Variants in RAD54L2 observed in about 807,000 individuals in gnomAD.
The protein encoded by RAD54L2 is RAD54 like 2.
In RAD54L2, 27 loss-of-function variants were observed where a neutral mutation model predicts 138.4. The observed-to-expected ratio is 0.20, with a 90% confidence interval of 0.14 to 0.27. RAD54L2 has a LOEUF of 0.27. Ranked by LOEUF, RAD54L2 falls within the 10% of genes least tolerant of loss-of-function variation. The pLI is 1.00. For missense variants in RAD54L2, 1,396 were observed against 1,890.2 expected (o/e 0.74, Z 4.85); for synonymous variants, 644 against 723.2 (o/e 0.89, Z 1.76).
chr3:51,598,149 ATGTG>A (rs778223606), intron 3 of RAD54L2, among the ~76,000 whole-genome samples: 214 of 128,412 alleles, frequency 1.7e-3, no homozygotes, highest in African/African-American at 3.8e-3. Context: ...GTATATATAT[ATGTG>A]TGTGTGTGTG....
chr3:51,550,200 C>T (rs1698802797), intron 2 of RAD54L2, among the ~76,000 whole-genome samples: 1 of 152,110 alleles, frequency 6.6e-6, no homozygotes, highest in South Asian at 2.1e-4. Context: ...CCTAAGGGTC[C>T]CATTTCCTAT....
At chr3:51,643,426 T>G (rs1701193241) in intron 15 of RAD54L2, among the ~76,000 whole-genome samples, 2 of 152,218 alleles carry the variant, frequency 1.3e-5, no homozygotes. Flanking sequence ...TATGTCTCTT[T>G]ACAGCAAGTT....
At position 51,662,470 on chromosome 3, in the gene RAD54L2, A is replaced by G; in HGVS notation, c.3454A>G (p.Ser1152Gly). 3 of 1,576,192 alleles carry G rather than the reference A, an allele frequency of 1.9e-6. No homozygotes were observed. The change falls in exon 23 of 23, where the codon AGT (serine) becomes GGT (glycine). Residue 1152 changes from serine to glycine, a missense_variant. Physicochemically the swap from Ser to Gly is moderately conservative, Grantham distance 56. This residue lies in a region of RAD54L2 where 634 missense variants were observed against 711.2 expected (regional missense o/e 0.89). Transcript: ENST00000684192. This position sits in a 1 kb window ranked among gnomAD's most constrained non-coding sequence, Gnocchi z 4.6. ...CGAGTCCACAAGCAACGGCAGACAC[A>G]GTGCCTCATCACCCAAAGCCCCCGA... Reference protein sequence around the residue: ...SCESTSNGRHSASSPKAPDPE... With the variant: ...SCESTSNGRHGASSPKAPDPE...
chr3:51,621,746 G>A (rs759821285), intron 3 of RAD54L2, among the ~76,000 whole-genome samples: 31 of 152,270 alleles, frequency 2.0e-4, no homozygotes, highest in Middle Eastern at 3.4e-3. Context: ...AAACAAAAAA[G>A]ACCAGGAGAG....
At chr3:51,623,179 TGTA>T (rs1700603985) in intron 3 of RAD54L2, among the ~76,000 whole-genome samples, 2 of 152,226 alleles carry the variant, frequency 1.3e-5, no homozygotes, top group African/African-American at 4.8e-5. Flanking sequence ...AACATGAAAG[TGTA>T]GTCTACAATT....
At chr3:51,639,834 G>T in intron 13 of RAD54L2, 47 bp from the exon 14 acceptor site, 1 of 1,500,592 alleles carries the variant, frequency 6.7e-7, no homozygotes. Context: ...TATTTCTAGT[G>T]ATCTGGCCTT....
At chr3:51,605,643 G>T (rs981184795) in intron 3 of RAD54L2, among the ~76,000 whole-genome samples, 2 of 151,678 alleles carry the variant, frequency 1.3e-5, no homozygotes, top group Admixed American at 6.6e-5. Flanking sequence ...GTAGAGACAG[G>T]GTTTCACCAT....
intron 3 of RAD54L2, among the ~76,000 whole-genome samples, chr3:51,626,762 G>A (rs1700701392): frequency 6.6e-6 from 1 of 151,742 alleles, no homozygotes; most frequent in Non-Finnish European, 1.5e-5. Context: ...ATCTTTTAAG[G>A]CATTACCTTT....
intron 10 of RAD54L2, 27 bp downstream of exon 10, chr3:51,635,816 T>C: frequency 6.4e-7 from 1 of 1,563,922 alleles, no homozygotes; most frequent in Non-Finnish European, 8.7e-7. Context: ...AGGAATACTC[T>C]TGTTGGTGTT....
Position 51,662,682 on chromosome 3 carries a change from T to C in RAD54L2, c.3666T>C (p.Thr1222=). The change falls in exon 23 of 23, where the codon ACT becomes ACC. Residue 1222 remains threonine (T), a synonymous_variant. Transcript: ENST00000684192. The surrounding 1 kb of genome is among the most constrained non-coding windows in gnomAD (Gnocchi z 4.6). The part of the protein sequence containing the change: ...SSAVPGTALG[T]EPRLGGHCLN... ...CTGTTCCCGGGACAGCTCTCGGAAC[T>C]GAGCCTCGACTAGGGGGTCATTGCC... 2 of 1,613,878 alleles carry C rather than the reference T, an allele frequency of 1.2e-6. No individual in the cohort carries two copies. Among genetic ancestry groups the C allele is most frequent in the Non-Finnish European group, 1.7e-6 (2 of 1,179,874 alleles).
chr3:51,633,482 C>T (rs1700900271), intron 7 of RAD54L2, 95 bp from the exon 8 acceptor site: 1 of 1,250,486 alleles, frequency 8.0e-7, no homozygotes, highest in Non-Finnish European at 1.1e-6. Context: ...ATAACGCCTT[C>T]TCACTTACTT....
intron 18 of RAD54L2, 26 bp from the exon 19 acceptor site, chr3:51,646,258 TA>T: frequency 1.3e-6 from 2 of 1,550,026 alleles, no homozygotes; most frequent in Non-Finnish European, 1.7e-6. Flanking sequence ...TGTTGGTAAC[TA>T]AATCAACATC....
intron 2 of RAD54L2, among the ~76,000 whole-genome samples, chr3:51,577,513 A>T (rs1699506128): frequency 2.0e-5 from 3 of 152,114 alleles, no homozygotes; most frequent in South Asian, 4.1e-4. Context: ...GACTTGCTTT[A>T]TGAATCTGGG....
intron 19 of RAD54L2, among the ~76,000 whole-genome samples, chr3:51,648,552 C>T (rs1017292332): frequency 1.3e-5 from 2 of 152,130 alleles, no homozygotes; most frequent in South Asian, 4.1e-4. Context: ...CAGTAGGGGC[C>T]GACTGACACC....
Position 51,637,049 on chromosome 3 carries a change from T to TC in RAD54L2, c.1340-110dup. 1 of 975,572 alleles carries TC rather than the reference T, an allele frequency of 1.0e-6. No homozygotes were observed. The highest frequency in any genetic ancestry group is 2.1e-5 in the Admixed American group (1 of 47,576). The allele number at this position is 975,572 out of a possible 1,614,324, so 60.4% of individuals were successfully genotyped here. ...CACCAAGGGGGGCTGACTCTTGCTT[T>TC]CCTGCTTCCTTCATTTCTTCTGTCT... On this transcript the variant is annotated intron_variant, in intron 10 of 22. Transcript: ENST00000684192. This position sits in a 1 kb window ranked among gnomAD's most constrained non-coding sequence, Gnocchi z 5.9.
chr3:51,577,902 C>T (rs1699515786), intron 2 of RAD54L2, among the ~76,000 whole-genome samples: 1 of 152,066 alleles, frequency 6.6e-6, no homozygotes, highest in East Asian at 1.9e-4. Flanking sequence ...CTTGGAACCT[C>T]CCCCCAGTTA....
intron 2 of RAD54L2, among the ~76,000 whole-genome samples, chr3:51,552,169 TC>T (rs1698854749): frequency 6.6e-6 from 1 of 152,202 alleles, no homozygotes; most frequent in South Asian, 2.1e-4. Flanking sequence ...AAAGATTGTA[TC>T]AATTTATATT....
chr3:51,662,532 C>T lies in RAD54L2; in HGVS notation c.3516C>T (p.Ser1172=). ...TGGCCAGGCCCGTCTCTCCTGACAGCCCAGAGATCATCAGTGAGCTTCAGC... is the reference window on the plus strand; with the variant it reads ...TGGCCAGGCCCGTCTCTCCTGACAGTCCAGAGATCATCAGTGAGCTTCAGC... The part of the protein sequence containing the change: ...EGLARPVSPD[S]PEIISELQQY... Residue 1172 remains serine (S), a synonymous_variant, in exon 23 of 23, where the codon AGC becomes AGT. Transcript: ENST00000684192. The surrounding 1 kb of genome is among the most constrained non-coding windows in gnomAD (Gnocchi z 4.6). 1 of 1,613,730 alleles carries T rather than the reference C, an allele frequency of 6.2e-7. No individual in the cohort carries two copies. Among genetic ancestry groups the T allele is most frequent in the Non-Finnish European group, 8.5e-7 (1 of 1,179,800 alleles).
At chr3:51,640,914 G>GT (rs1309523356) in intron 14 of RAD54L2, among the ~76,000 whole-genome samples, 1 of 152,218 alleles carries the variant, frequency 6.6e-6, no homozygotes, top group Non-Finnish European at 1.5e-5. Flanking sequence ...GGTGGTAGTC[G>GT]TAAGTATGTG....
Sources: allele counts gnomAD v4.1 joint callset (sites outside exome capture counted in the v4.1 genomes callset), GRCh38; gene constraint gnomAD v4.1.1; regional missense constraint gnomAD v4.1.1; non-coding constraint Gnocchi (gnomAD v3.1); transcripts MANE v1.5; gene names NCBI Gene and HGNC (gene_info 2026-07-23, HGNC 2026-07-21).